The following SORCS3 variants were observed in gnomAD, a reference collection of about 807,000 sequenced individuals.
SORCS3 encodes the protein sortilin related VPS10 domain containing receptor 3.
Under a neutral mutation model 146.3 loss-of-function variants are expected in SORCS3, and 57 were observed. The ratio of observed to expected loss-of-function variants is 0.39; its 90% confidence interval spans 0.31 to 0.49. The LOEUF (loss-of-function observed/expected upper bound fraction) is 0.49, where lower values mean the gene tolerates loss of function less well. Among genes scored for constraint, SORCS3 ranks in the 20% least tolerant of loss-of-function variants. SORCS3 has a pLI of 0.92. For synonymous variants in SORCS3, 653 were observed against 618.5 expected (o/e 1.06, Z -0.83); for missense variants, 1,341 against 1,575.5 (o/e 0.85, Z 2.52).
intron 2 of SORCS3, among the ~76,000 whole-genome samples, chr10:104,870,043 A>G (rs2018502316): frequency 6.6e-6 from 1 of 152,252 alleles, no homozygotes; most frequent in African/African-American, 2.4e-5. Context: ...TGCATGGCAT[A>G]GCATAAGAGC....
rs529772686 is a variant in SORCS3, at chr10:104,885,591, T to A, written c.696-30242T>A. On this transcript the variant is annotated intron_variant, in intron 2 of 26. Transcript: ENST00000369701. ...GAGTATTAATGCTTAGGAGAAAAACTTTTTCCCTCAAATATAGAATGCATA... is the reference window on the plus strand; with the variant it reads ...GAGTATTAATGCTTAGGAGAAAAACATTTTCCCTCAAATATAGAATGCATA... Among the ~76,000 whole-genome samples the A allele has an allele frequency of 2.9e-3, 444 of 152,186 alleles. 2 individuals carry two copies. Among genetic ancestry groups the A allele is most frequent in the South Asian group, 0.018 (87 of 4,824 alleles).
chr10:104,708,919 AG>A (rs2016380764), intron 1 of SORCS3, among the ~76,000 whole-genome samples: 1 of 152,192 alleles, frequency 6.6e-6, no homozygotes, highest in Admixed American at 6.5e-5. Context: ...CTATTGCAAA[AG>A]GGAAAGTGGC....
At chr10:104,913,317 G>T (rs1472759739) in intron 2 of SORCS3, among the ~76,000 whole-genome samples, 2 of 152,182 alleles carry the variant, frequency 1.3e-5, no homozygotes, top group African/African-American at 4.8e-5. Context: ...TTGGTGTGAT[G>T]ATGGAAAGGA....
At chr10:104,919,128 A>G (rs1283870534) in intron 3 of SORCS3, among the ~76,000 whole-genome samples, 1 of 152,148 alleles carries the variant, frequency 6.6e-6, no homozygotes, top group Non-Finnish European at 1.5e-5. Flanking sequence ...GCACGGGGAT[A>G]CCACCTCCAT....
intron 1 of SORCS3, among the ~76,000 whole-genome samples, chr10:104,765,449 G>T (rs1445345055): frequency 6.6e-6 from 1 of 152,182 alleles, no homozygotes; most frequent in Non-Finnish European, 1.5e-5. Flanking sequence ...AAAATGGGAG[G>T]TAATTATTTT....
chr10:104,774,160 T>A (rs2017282689), intron 1 of SORCS3, among the ~76,000 whole-genome samples: 1 of 152,206 alleles, frequency 6.6e-6, no homozygotes, highest in Non-Finnish European at 1.5e-5. Context: ...ATTGTGCATA[T>A]CCTGTTTACT....
chr10:104,965,817 TA>T (rs1262953996), intron 3 of SORCS3, among the ~76,000 whole-genome samples: 1 of 152,114 alleles, frequency 6.6e-6, no homozygotes, highest in African/African-American at 2.4e-5. Context: ...TTGAATAGCC[TA>T]AATGACTGCA....
rs533214072 is a variant in SORCS3, at chr10:104,672,547, G to C, written c.627+30593G>C. Among the ~76,000 whole-genome samples the C allele has an allele frequency of 5.9e-5, 9 of 152,036 alleles. 1 individual carries two copies. In the South Asian group the frequency reaches 1.9e-3, roughly 32 times the overall value. On this transcript the variant is annotated intron_variant, in intron 1 of 26. Coordinates refer to ENST00000369701, the MANE Select transcript of SORCS3 (RefSeq NM_014978.3). The stretch of plus-strand genomic sequence containing the variant: ...TTCTAGATTCTTAAGTTAGGTTATT[G>C]ATTTGAGATCTTTCCTGTTTTTTAA...
chr10:105,068,161 A>T (rs2055533947), intron 5 of SORCS3, among the ~76,000 whole-genome samples: 1 of 152,120 alleles, frequency 6.6e-6, no homozygotes, highest in Admixed American at 6.5e-5. Context: ...ACATATTGCC[A>T]TTCCCCAAAT....
At chr10:105,219,130 G>A (rs1204316378) in intron 19 of SORCS3, among the ~76,000 whole-genome samples, 2 of 152,200 alleles carry the variant, frequency 1.3e-5, no homozygotes, top group Non-Finnish European at 2.9e-5. Flanking sequence ...ACCAGGTTTG[G>A]TGATTCACTA....
At chr10:104,825,072 G>A (rs2017919748) in intron 1 of SORCS3, among the ~76,000 whole-genome samples, 1 of 152,210 alleles carries the variant, frequency 6.6e-6, no homozygotes, top group Non-Finnish European at 1.5e-5. Context: ...CTGTGTCAGT[G>A]AGAGGCCTGA....
chr10:105,233,103 A>G lies in SORCS3; in HGVS notation c.2868+9854A>G, dbSNP rs2056774193. Among the ~76,000 whole-genome samples the G allele has an allele frequency of 2.6e-5, 4 of 151,114 alleles. No homozygotes were observed. The South Asian group carries it at 8.4e-4, about 32-fold the overall frequency. On this transcript the variant is annotated intron_variant, in intron 20 of 26. Transcript: ENST00000369701. The stretch of plus-strand genomic sequence containing the variant: ...GATTTTATTTCTTTTTTTGTATATC[A>G]CTCATACTTTAAAAAAAAAAAACTT...
chr10:104,825,305 G>T (rs1325396346), intron 1 of SORCS3, among the ~76,000 whole-genome samples: 1 of 152,162 alleles, frequency 6.6e-6, no homozygotes, highest in Non-Finnish European at 1.5e-5. Flanking sequence ...GCGTGATCTT[G>T]GCTAACTTTA....
chr10:104,665,818 T>C (rs541129219), intron 1 of SORCS3: 1 of 152,328 alleles, frequency 6.6e-6, no homozygotes, highest in South Asian at 2.1e-4. Flanking sequence ...AAAATGCATA[T>C]GGGGCCAAAA....
intron 1 of SORCS3, among the ~76,000 whole-genome samples, chr10:104,649,569 A>G (rs58969284): frequency 0.098 from 14,882 of 152,240 alleles, 803 homozygotes; most frequent in Admixed American, 0.14. Context: ...GGCCTTGGCT[A>G]GAACCCAGTT....
At chr10:105,053,054 T>C (rs968235982) in intron 5 of SORCS3, among the ~76,000 whole-genome samples, 1 of 151,960 alleles carries the variant, frequency 6.6e-6, no homozygotes, top group South Asian at 2.1e-4. Context: ...CTCTTCCAGG[T>C]TGCAGAGGGC....
At chr10:105,065,099 G>A (rs183218402) in intron 5 of SORCS3, among the ~76,000 whole-genome samples, 183 of 152,310 alleles carry the variant, frequency 1.2e-3, no homozygotes, top group Admixed American at 1.5e-3. Context: ...ATCTGTGTGA[G>A]TGAATATGGG....
rs75554502 is a variant in SORCS3 at position 104,764,878 on chromosome 10, A to G, written c.628-77914A>G. Among the ~76,000 whole-genome samples, 51 of 152,276 alleles carry G rather than the reference A, an allele frequency of 3.3e-4. 1 individual carries two copies. The East Asian group carries it at 9.1e-3, about 27-fold the overall frequency. ...ACGTGGTGAAGTGAAGAAATGACAA[A>G]TAGGTTTTATCTGGTAGTCAACTCT... On this transcript the variant is annotated intron_variant, in intron 1 of 26. Coordinates refer to ENST00000369701, the MANE Select transcript of SORCS3 (RefSeq NM_014978.3).
intron 1 of SORCS3, among the ~76,000 whole-genome samples, chr10:104,827,654 A>G (rs1488191202): frequency 6.6e-6 from 1 of 152,126 alleles, no homozygotes; most frequent in Non-Finnish European, 1.5e-5. Flanking sequence ...TTTAGCCTAG[A>G]TGAGTTATCC....
Sources: allele counts gnomAD v4.1 joint callset (sites outside exome capture counted in the v4.1 genomes callset), GRCh38; gene constraint gnomAD v4.1.1; transcripts MANE v1.5; gene names NCBI Gene and HGNC (gene_info 2026-07-23, HGNC 2026-07-21).